ANKS3: variants seen among roughly 807,000 people sequenced by gnomAD.
ANKS3 encodes ankyrin repeat and SAM domain-containing protein 3.
ANKS3 carries 62 observed loss-of-function variants against 80.7 expected under a neutral mutation model. The ratio of observed to expected loss-of-function variants is 0.77; its 90% CI spans 0.63 to 0.95. The LOEUF is 0.95. ANKS3 is among the 40% of genes least tolerant of loss of function. The pLI is 0.00. For missense variants in ANKS3, 1,150 were observed against 883.6 expected (o/e 1.30, Z -3.82); for synonymous variants, 489 against 355.3 (o/e 1.38, Z -4.23).
rs913265562 is a variant in ANKS3 at position 4,726,093 on chromosome 16, A to G, written c.491+566T>C. ...CGGGTTCACACCATTCTCTTGCCTCAGCCTCCCGAGTAGCTGGGACTACAG... is the reference window on the plus strand; with the variant it reads ...CGGGTTCACACCATTCTCTTGCCTCGGCCTCCCGAGTAGCTGGGACTACAG... On this transcript the variant is annotated intron_variant, in intron 5 of 17. Coordinates refer to ENST00000304283, the MANE Select transcript of ANKS3 (RefSeq NM_133450.4). Among the ~76,000 whole-genome samples the G allele has an allele frequency of 1.3e-4, 20 of 151,036 alleles. 1 individual carries two copies. The highest frequency in any genetic ancestry group is 2.5e-4 in the Non-Finnish European group (17 of 67,898).
At chr16:4,700,738 G>A (rs773418967) in intron 11 of ANKS3, 3 of 704,468 alleles carry the variant, frequency 4.3e-6, no homozygotes, top group Non-Finnish European at 7.7e-6. Context: ...CTCCAGTATG[G>A]AAAGCAGGGA....
intron 7 of ANKS3, among the ~76,000 whole-genome samples, chr16:4,708,492 C>A (rs965252479): frequency 6.6e-6 from 1 of 152,060 alleles, no homozygotes; most frequent in African/African-American, 2.4e-5. Flanking sequence ...AAGTTTCCAA[C>A]TCAAAAAACT....
rs549220913 is a variant in ANKS3, at chr16:4,708,982, G to C, written c.710-3729C>G. Among the ~76,000 whole-genome samples the C allele has an allele frequency of 9.2e-5, 14 of 151,920 alleles. No individual in the cohort carries two copies. The East Asian group carries it at 2.7e-3, about 29-fold the overall frequency. On this transcript the variant is annotated intron_variant, in intron 7 of 17. Transcript: ENST00000304283. The stretch of plus-strand genomic sequence containing the variant: ...AACACAAATATTCAAAATAAGAAGT[G>C]AGGCCGGGCGCAGTGGCTCATGCCT...
At chr16:4,698,401 G>C in intron 14 of ANKS3, 26 bp downstream of exon 14, 1 of 1,475,860 alleles carries the variant, frequency 6.8e-7, no homozygotes, top group South Asian at 1.3e-5. Flanking sequence ...TGGAGACCCA[G>C]CCCAGGGCAG....
intron 14 of ANKS3, 109 bp from the exon 15 acceptor site, chr16:4,698,171 G>A: frequency 5.4e-6 from 7 of 1,306,922 alleles, no homozygotes; most frequent in Non-Finnish European, 7.4e-6. Context: ...CCTTGCAGCT[G>A]GCCCTCATGG....
At chr16:4,699,019 G>C (rs747405935) in intron 12 of ANKS3, 33 bp downstream of exon 12, 2 of 1,614,022 alleles carry the variant, frequency 1.2e-6, no homozygotes, top group South Asian at 1.1e-5. Context: ...CCCAACCCCG[G>C]GCTGAGGGCC....
intron 11 of ANKS3, chr16:4,700,368 G>C (rs2079832569): frequency 1.9e-5 from 3 of 162,000 alleles, no homozygotes; most frequent in African/African-American, 7.2e-5. Flanking sequence ...AGTGAGCCGA[G>C]ATCGCGCCAC....
In ANKS3 at chr16:4,697,023, G is replaced by C; in HGVS notation, c.*5C>G. ...CAGGCTGGCAGACACTCACCGGCCC[G>C]CAGGCTAGGTCTCCCGCCACTTCTT... On this transcript the variant is annotated 3_prime_UTR_variant, in exon 17 of 18. Coordinates refer to ENST00000304283, the MANE Select transcript of ANKS3 (RefSeq NM_133450.4). 6.2e-7 allele frequency: 1 copy of C among 1,611,604 alleles called. No homozygotes were observed. Among genetic ancestry groups the C allele is most frequent in the African/African-American group, 1.3e-5 (1 of 74,992 alleles).
At chr16:4,720,570 A>G (rs1458067064) in intron 6 of ANKS3, among the ~76,000 whole-genome samples, 1 of 151,408 alleles carries the variant, frequency 6.6e-6, no homozygotes, top group Non-Finnish European at 1.5e-5. Flanking sequence ...ACCTCACACA[A>G]CAAAGACTCT....
In ANKS3 at chr16:4,697,374, G is replaced by A. The variant is rs567237538; in HGVS notation, c.1853C>T (p.Pro618Leu). 4 of 1,610,494 alleles carry A rather than the reference G, an allele frequency of 2.5e-6. No individual in the cohort carries two copies. The East Asian group carries it at 8.9e-5, about 36-fold the overall frequency. The change falls in exon 16 of 18, where the codon CCC becomes CTC. Residue 618 changes from proline to leucine, a missense_variant. Physicochemically the swap from Pro to Leu is moderately conservative, Grantham distance 98 (BLOSUM62 -3). Coordinates refer to ENST00000304283, the MANE Select transcript of ANKS3 (RefSeq NM_133450.4). ...WQASLQAMSL[P>L]ELSGALEDRV... ...GTCCTCCAGGGCTCCCGAGAGCTCG[G>A]GGAGGCTCATGGCCTGCAGGGACGC...
chr16:4,715,687 G>A (rs1596402784), intron 6 of ANKS3, among the ~76,000 whole-genome samples: 2 of 152,128 alleles, frequency 1.3e-5, no homozygotes, highest in South Asian at 4.2e-4. Context: ...AAACAATATT[G>A]GAAGGTAACA....
chr16:4,727,386 T>C (rs2081408396), intron 3 of ANKS3: 6 of 608,196 alleles, frequency 9.9e-6, no homozygotes, highest in Non-Finnish European at 1.7e-5. Context: ...AGCCTTCGTC[T>C]CCTTGCTCTG....
At chr16:4,717,262 T>G (rs2080850880) in intron 6 of ANKS3, among the ~76,000 whole-genome samples, 1 of 151,320 alleles carries the variant, frequency 6.6e-6, no homozygotes, top group South Asian at 2.1e-4. Flanking sequence ...AAAAAATAAT[T>G]TCTTGGCTGG....
chr16:4,726,768 G>C lies in ANKS3; in HGVS notation c.382C>G (p.Leu128Val). 1.9e-6 allele frequency: 3 copies of C among 1,613,650 alleles called. No homozygotes were observed. Among genetic ancestry groups the C allele is most frequent in the Non-Finnish European group, 2.5e-6 (3 of 1,179,590 alleles). ...CAGCCCTGGATGTCTTTCATTTCTA[G>C]CTCTGCACCTTGCTTCAAGAGAACA... ...AYFLLQQGAE[L>V]EMKDIQGWTA... is the part of the protein sequence containing the mutation. The change falls in exon 5 of 18, where the codon CTA (leucine) becomes GTA (valine). Residue 128 changes from leucine (L) to valine (V), a missense_variant. By Grantham distance (32) the Leu-to-Val change is conservative. Coordinates refer to ENST00000304283, the MANE Select transcript of ANKS3 (RefSeq NM_133450.4).
intron 6 of ANKS3, 26 bp downstream of exon 6, chr16:4,724,724 A>G (rs2142143148): frequency 1.2e-6 from 2 of 1,602,314 alleles, no homozygotes; most frequent in East Asian, 4.5e-5. Flanking sequence ...TGACTACATT[A>G]CATGCTAATA....
chr16:4,710,135 G>A (rs12926727), intron 7 of ANKS3, among the ~76,000 whole-genome samples: 1,579 of 152,270 alleles, frequency 0.01, 19 homozygotes, highest in Admixed American at 0.018. Flanking sequence ...GGGGTGGGGA[G>A]GTAGTGGGAG....
intron 5 of ANKS3, 104 bp downstream of exon 5, chr16:4,726,555 A>G: frequency 1.6e-6 from 2 of 1,289,658 alleles, no homozygotes; most frequent in East Asian, 4.7e-5. Context: ...CTCGTGCCGA[A>G]GCAGGGTGGC....
intron 6 of ANKS3, among the ~76,000 whole-genome samples, chr16:4,723,004 G>A (rs993760326): frequency 1.3e-5 from 2 of 151,624 alleles, no homozygotes; most frequent in Non-Finnish European, 2.9e-5. Context: ...CAATTCACCC[G>A]CCAGATTGAC....
At chr16:4,725,330 C>T (rs1376187270) in intron 5 of ANKS3, among the ~76,000 whole-genome samples, 1 of 152,198 alleles carries the variant, frequency 6.6e-6, no homozygotes, top group Non-Finnish European at 1.5e-5. Flanking sequence ...CTTCAGAGGG[C>T]TTCCAAATCC....
Sources: allele counts gnomAD v4.1 joint callset (sites outside exome capture counted in the v4.1 genomes callset), GRCh38; gene constraint gnomAD v4.1.1; transcripts MANE v1.5; gene names NCBI Gene and HGNC (gene_info 2026-07-23, HGNC 2026-07-21).